DLGAP2: variants seen among roughly 807,000 people sequenced by gnomAD.
DLGAP2 encodes disks large-associated protein 2.
A neutral mutation model predicts 100.3 loss-of-function variants in DLGAP2; 26 were observed. That is an observed-to-expected ratio of 0.26 (90% CI 0.19 to 0.36). DLGAP2 has a LOEUF of 0.36. Ranked by LOEUF, DLGAP2 falls within the 10% of genes least tolerant of loss-of-function variation. The pLI is 1.00. For synonymous variants in DLGAP2, 886 were observed against 630.1 expected (o/e 1.41, Z -6.08); for missense variants, 1,858 against 1,453.2 (o/e 1.28, Z -4.53).
At chr8:809,314 A>G (rs1796325303) in intron 1 of DLGAP2, among the ~76,000 whole-genome samples, 1 of 152,132 alleles carries the variant, frequency 6.6e-6, no homozygotes. Flanking sequence ...AATTATTTTC[A>G]TTTAGGGTTC....
At chr8:994,562 T>G (rs181404529) in intron 2 of DLGAP2, among the ~76,000 whole-genome samples, 55 of 152,298 alleles carry the variant, frequency 3.6e-4, no homozygotes, top group African/African-American at 1.3e-3. Flanking sequence ...TCAAGAACAG[T>G]GCTCTTAACT....
intron 3 of DLGAP2, among the ~76,000 whole-genome samples, chr8:1,296,475 A>G (rs1295312986): frequency 6.6e-6 from 1 of 152,140 alleles, no homozygotes; most frequent in Non-Finnish European, 1.5e-5. Context: ...CTCATATTGT[A>G]TGTGTGTCTC....
rs1360386930 is a variant in DLGAP2, at chr8:1,577,140, T to G, written c.1442+11246T>G. On this transcript the variant is annotated intron_variant, in intron 6 of 14. Transcript: ENST00000637795. The stretch of plus-strand genomic sequence containing the variant: ...TCAGTATCACTGAGTGAATTTCTAA[T>G]GTTCTCATCACAAAAAATGTGAAAT... 2.0e-5 allele frequency among the ~76,000 whole-genome samples: 3 copies of G among 152,364 alleles called. No homozygotes were observed. The East Asian group carries it at 5.8e-4, about 29-fold the overall frequency.
intron 2 of DLGAP2, among the ~76,000 whole-genome samples, chr8:1,084,797 T>G (rs1457633536): frequency 1.3e-5 from 2 of 152,218 alleles, no homozygotes; most frequent in African/African-American, 4.8e-5. Flanking sequence ...CACAGGTTGA[T>G]TCCATGTCTT....
intron 2 of DLGAP2, among the ~76,000 whole-genome samples, chr8:1,044,060 G>A (rs182803701): frequency 2.0e-5 from 3 of 152,078 alleles, no homozygotes; most frequent in Admixed American, 6.5e-5. Context: ...GCCACGCCAC[G>A]CTGTGTTTTA....
At chr8:1,188,470 C>T (rs1797563234) in intron 2 of DLGAP2, among the ~76,000 whole-genome samples, 1 of 135,516 alleles carries the variant, frequency 7.4e-6, no homozygotes, top group Non-Finnish European at 1.5e-5. Flanking sequence ...TCTCGCACGC[C>T]CGGGACTTCC....
At chr8:856,099 A>C (rs1245206710) in intron 1 of DLGAP2, among the ~76,000 whole-genome samples, 1 of 152,042 alleles carries the variant, frequency 6.6e-6, no homozygotes, top group African/African-American at 2.4e-5. Context: ...GGATATAATA[A>C]ATAAAAATGC....
At chr8:787,747 A>C (rs193108992) in intron 1 of DLGAP2, among the ~76,000 whole-genome samples, 1 of 152,250 alleles carries the variant, frequency 6.6e-6, no homozygotes, top group African/African-American at 2.4e-5. Context: ...GAATGGTCAC[A>C]CCCAAAAGTT....
chr8:1,341,146 T>A (rs1585277090), intron 3 of DLGAP2, among the ~76,000 whole-genome samples: 1 of 152,282 alleles, frequency 6.6e-6, no homozygotes, highest in South Asian at 2.1e-4. Flanking sequence ...GCTTAATACT[T>A]GGGTGATGAA....
At chr8:1,275,895 TATAAATATATATAATATATAA>T (rs1799679308) in intron 3 of DLGAP2, among the ~76,000 whole-genome samples, 1 of 124,674 alleles carries the variant, frequency 8.0e-6, no homozygotes, top group Admixed American at 9.9e-5. Context: ...ATATATAATA[TATAAATATATATAATATATAA>T]ATAAATATAT....
At chr8:900,701 C>T (rs931887122) in intron 1 of DLGAP2, among the ~76,000 whole-genome samples, 7 of 152,192 alleles carry the variant, frequency 4.6e-5, no homozygotes, top group Non-Finnish European at 8.8e-5. Context: ...GGCTGCAGCC[C>T]GAAAGGAGCA....
intron 8 of DLGAP2, among the ~76,000 whole-genome samples, chr8:1,664,078 C>T (rs1333456625): frequency 6.6e-6 from 1 of 152,168 alleles, no homozygotes; most frequent in African/African-American, 2.4e-5. Flanking sequence ...AAACCCTCCT[C>T]CACCAGGGCT....
intron 2 of DLGAP2, among the ~76,000 whole-genome samples, chr8:1,124,554 G>A (rs1017044703): frequency 2.0e-5 from 3 of 152,166 alleles, no homozygotes; most frequent in Non-Finnish European, 4.4e-5. Flanking sequence ...TTCATGATAT[G>A]TAATTGTGAA....
chr8:1,040,909 T>C (rs1802327905), intron 2 of DLGAP2, among the ~76,000 whole-genome samples: 2 of 152,160 alleles, frequency 1.3e-5, no homozygotes, highest in Admixed American at 1.3e-4. Flanking sequence ...GCTGCCCTCT[T>C]TTGATCTAGG....
At chr8:793,442 C>A (rs1053724846) in intron 1 of DLGAP2, among the ~76,000 whole-genome samples, 1 of 152,324 alleles carries the variant, frequency 6.6e-6, no homozygotes, top group Middle Eastern at 3.4e-3. Flanking sequence ...CAGAGCTGTG[C>A]TCTCCTTGGG....
chr8:779,904 T>C (rs1358078442), intron 1 of DLGAP2, among the ~76,000 whole-genome samples: 1 of 152,226 alleles, frequency 6.6e-6, no homozygotes, highest in Admixed American at 6.5e-5. Context: ...TGTATACTTA[T>C]GGAGTACAGT....
At chr8:1,349,102 T>A (rs1801641642) in intron 3 of DLGAP2, among the ~76,000 whole-genome samples, 1 of 151,520 alleles carries the variant, frequency 6.6e-6, no homozygotes, top group South Asian at 2.1e-4. Flanking sequence ...CAGAGAGTGC[T>A]GCCGTTTTTA....
At chr8:1,384,722 A>C (rs78872296) in intron 3 of DLGAP2, among the ~76,000 whole-genome samples, 1 of 14,994 alleles carries the variant, frequency 6.7e-5, no homozygotes. Flanking sequence ...GCCTATGCCC[A>C]TCCCCTGAGA....
intron 8 of DLGAP2, among the ~76,000 whole-genome samples, chr8:1,655,675 G>C (rs1246371883): frequency 6.6e-6 from 1 of 151,268 alleles, no homozygotes; most frequent in East Asian, 2.0e-4. Flanking sequence ...TTGTGGAGCA[G>C]TTTCTTTCAT....
Sources: allele counts gnomAD v4.1 joint callset (sites outside exome capture counted in the v4.1 genomes callset), GRCh38; gene constraint gnomAD v4.1.1; transcripts MANE v1.5; gene names NCBI Gene and HGNC (gene_info 2026-07-23, HGNC 2026-07-21).